Variants in SEMA4D observed in about 807,000 individuals in gnomAD.
SEMA4D encodes the protein semaphorin 4D.
A neutral mutation model predicts 74.8 loss-of-function variants in SEMA4D; 22 were observed. The ratio of observed to expected loss-of-function variants is 0.29; its 90% CI spans 0.21 to 0.42. The LOEUF is 0.42. Among genes scored for constraint, SEMA4D ranks in the 10% least tolerant of loss-of-function variants. The probability of loss-of-function intolerance (pLI) is 1.00; values close to 1 mark genes in which losing one functional copy is unlikely to be tolerated. For synonymous variants in SEMA4D, 445 were observed against 463.7 expected (o/e 0.96, Z 0.52); for missense variants, 937 against 1,118.4 (o/e 0.84, Z 2.31).
chr9:89,457,148 T>G (rs1490931483), intron 1 of SEMA4D, among the ~76,000 whole-genome samples: 1 of 152,154 alleles, frequency 6.6e-6, no homozygotes, highest in Admixed American at 6.5e-5. Context: ...TTCATCTTTC[T>G]GATGAGCAGT....
chr9:89,396,983 G>A (rs188581771), intron 5 of SEMA4D, 148 bp from the exon 6 acceptor site: 9 of 681,096 alleles, frequency 1.3e-5, no homozygotes, highest in Admixed American at 1.1e-4. Context: ...AGGCATGTGT[G>A]CATTCTCAGC....
rs1376923307 is a variant in SEMA4D at position 89,484,400 on chromosome 9, G to A, written c.-310+13519C>T. Among the ~76,000 whole-genome samples, 1 of 152,158 alleles carries A rather than the reference G, an allele frequency of 6.6e-6. No individual in the cohort carries two copies. The highest frequency in any genetic ancestry group is 1.5e-5 in the Non-Finnish European group (1 of 68,020). On this transcript the variant is annotated intron_variant, in intron 1 of 15. Transcript: ENST00000422704. This position sits in a 1 kb window ranked among gnomAD's most constrained non-coding sequence, Gnocchi z 4.1. ...CATATGACTGTGTGGTGTTATGTGT[G>A]GGGTTTGATGTGTGGTGTGTGTGGT... is the stretch of plus-strand genomic sequence containing the variant.
At chr9:89,443,989 A>G (rs1852256829) in intron 2 of SEMA4D, among the ~76,000 whole-genome samples, 1 of 152,200 alleles carries the variant, frequency 6.6e-6, no homozygotes, top group Non-Finnish European at 1.5e-5. Flanking sequence ...ATGCCCATGC[A>G]TCCTCCCACC....
In SEMA4D at chr9:89,391,351, G is replaced by C; in HGVS notation, c.687C>G (p.Asp229Glu). The stretch of plus-strand genomic sequence containing the variant: ...CCTCCGTGAAGAAGAAGTAGACCCT[G>C]TCATCCTCGCCGTCGGGGCTGTCTG... Reference protein sequence around the residue: ...KSPDSPDGEDDRVYFFFTEVS... With the variant: ...KSPDSPDGEDERVYFFFTEVS... Residue 229 changes from aspartate to glutamate, a missense_variant, in exon 9 of 16, where the codon GAC becomes GAG. Coordinates refer to ENST00000422704, the MANE Select transcript of SEMA4D (RefSeq NM_001371194.2). 1 of 1,614,244 alleles carries C rather than the reference G, an allele frequency of 6.2e-7. No homozygotes were observed. Among genetic ancestry groups the C allele is most frequent in the Non-Finnish European group, 8.5e-7 (1 of 1,180,036 alleles).
At chr9:89,390,576 C>G (rs530470174) in intron 9 of SEMA4D, among the ~76,000 whole-genome samples, 17 of 152,338 alleles carry the variant, frequency 1.1e-4, no homozygotes, top group African/African-American at 4.1e-4. Flanking sequence ...TCCTGATGGT[C>G]ATGACTACAT....
intron 1 of SEMA4D, among the ~76,000 whole-genome samples, chr9:89,474,944 G>A (rs1321177011): frequency 6.6e-6 from 1 of 152,254 alleles, no homozygotes; most frequent in Non-Finnish European, 1.5e-5. Flanking sequence ...TCTGAGAGCA[G>A]CAGCTCTGGC....
At chr9:89,404,111 C>G (rs1316424183) in intron 3 of SEMA4D, among the ~76,000 whole-genome samples, 1 of 152,130 alleles carries the variant, frequency 6.6e-6, no homozygotes, top group Non-Finnish European at 1.5e-5. Flanking sequence ...TCTCAATCCA[C>G]TGAGTCAGAA....
intron 1 of SEMA4D, among the ~76,000 whole-genome samples, chr9:89,478,325 C>T (rs1395626504): frequency 6.6e-6 from 1 of 152,116 alleles, no homozygotes; most frequent in Non-Finnish European, 1.5e-5. Flanking sequence ...CAGACGCAGA[C>T]GCCATGTGAT....
intron 1 of SEMA4D, among the ~76,000 whole-genome samples, chr9:89,459,104 C>T (rs955305852): frequency 3.3e-5 from 5 of 152,248 alleles, no homozygotes; most frequent in African/African-American, 9.6e-5. Flanking sequence ...AGCTCAGAGG[C>T]AGGTTCTGAG....
intron 1 of SEMA4D, chr9:89,497,371 C>G (rs1471168289): frequency 6.6e-6 from 1 of 152,386 alleles, no homozygotes; most frequent in Non-Finnish European, 1.5e-5. Context: ...CCAACCTGCC[C>G]CACCTGTCTG....
At position 89,469,611 on chromosome 9, in the gene SEMA4D, A is replaced by C. The variant is rs1859668513; in HGVS notation, c.-309-13658T>G. Among the ~76,000 whole-genome samples, 4 of 152,366 alleles carry C rather than the reference A, an allele frequency of 2.6e-5. No individual in the cohort carries two copies. The South Asian group carries it at 6.2e-4, about 24-fold the overall frequency. Reference sequence around the variant, plus strand: ...TGATTCCAAAACACAAGATTGACTCAGTGTTCAAAAATCAATAAATGCAAG... The same window carrying C: ...TGATTCCAAAACACAAGATTGACTCCGTGTTCAAAAATCAATAAATGCAAG... On this transcript the variant is annotated intron_variant, in intron 1 of 15. Coordinates refer to ENST00000422704, the MANE Select transcript of SEMA4D (RefSeq NM_001371194.2).
intron 13 of SEMA4D, chr9:89,386,088 T>C (rs1406973351): frequency 1.0e-6 from 1 of 984,990 alleles, no homozygotes; most frequent in Non-Finnish European, 1.2e-6. Context: ...AGTGCCCACC[T>C]CTCCACAGCC....
chr9:89,490,443 C>T (rs1436584953), intron 1 of SEMA4D, among the ~76,000 whole-genome samples: 1 of 152,194 alleles, frequency 6.6e-6, no homozygotes, highest in Admixed American at 6.5e-5. Flanking sequence ...GAAAGCCATT[C>T]GAATCCAGTA....
intron 1 of SEMA4D, among the ~76,000 whole-genome samples, chr9:89,476,166 G>C (rs1169808722): frequency 6.6e-6 from 1 of 152,158 alleles, no homozygotes; most frequent in Non-Finnish European, 1.5e-5. Flanking sequence ...ATGATCTCTG[G>C]GCAAGAATAA....
chr9:89,393,561 C>A lies in SEMA4D; in HGVS notation c.508+1G>T, dbSNP rs1231387402. 1 of 1,613,348 alleles carries A rather than the reference C, an allele frequency of 6.2e-7. No homozygotes were observed. The highest frequency in any genetic ancestry group is 1.3e-5 in the African/African-American group (1 of 74,912). On this transcript the variant is annotated splice_donor_variant, in intron 7 of 15. Coordinates refer to ENST00000422704, the MANE Select transcript of SEMA4D (RefSeq NM_001371194.2). LOFTEE classifies it high-confidence loss of function. Reference sequence around the variant, plus strand: ...GAAGGAACTGGAGGGGCAGGACTCACCAACCATGACGGATGTGTAGCTGTG... The same window carrying A: ...GAAGGAACTGGAGGGGCAGGACTCAACAACCATGACGGATGTGTAGCTGTG...
At chr9:89,437,258 G>C (rs1355621262) in intron 2 of SEMA4D, among the ~76,000 whole-genome samples, 1 of 152,220 alleles carries the variant, frequency 6.6e-6, no homozygotes. Context: ...TGTGGCTCGT[G>C]CAGCTCTGGC....
At chr9:89,383,102 G>A (rs117510228) in intron 13 of SEMA4D, among the ~76,000 whole-genome samples, 2,516 of 152,306 alleles carry the variant, frequency 0.017, 33 homozygotes, top group Non-Finnish European at 0.025. Context: ...GGAACTGGTC[G>A]TCAGGACAGC....
At chr9:89,373,141 C>T (rs76909823), downstream of SEMA4D, among the ~76,000 whole-genome samples, 2 of 152,152 alleles carry the variant, frequency 1.3e-5, no homozygotes, top group Non-Finnish European at 2.9e-5. Flanking sequence ...CTCAAGCTCT[C>T]GCATCCCCAG....
chr9:89,478,963 G>A lies in SEMA4D; in HGVS notation c.-310+18956C>T, dbSNP rs73490214. Among the ~76,000 whole-genome samples the A allele has an allele frequency of 1.7e-3, 253 of 152,252 alleles. 1 individual carries two copies. The highest frequency in any genetic ancestry group is 5.4e-3 in the African/African-American group (225 of 41,554). ...AGCTCATCTCTGCTCCAATGTCCAA[G>A]GACACCAAAGCTGACACACCTAATT... On this transcript the variant is annotated intron_variant, in intron 1 of 15. Coordinates refer to ENST00000422704, the MANE Select transcript of SEMA4D (RefSeq NM_001371194.2).
Sources: gnomAD v4.1 joint callset for allele counts (sites outside exome capture counted in the v4.1 genomes callset) on GRCh38, gnomAD v4.1.1 for gene constraint, Gnocchi (gnomAD v3.1) non-coding constraint, MANE v1.5 for transcripts, NCBI Gene and HGNC (gene_info 2026-07-23, HGNC 2026-07-21) for gene names.